Variants in SCAI observed in about 807,000 individuals in gnomAD.
The protein encoded by SCAI is protein SCAI.
In SCAI, 24 loss-of-function variants were observed where a neutral mutation model predicts 92.2. That is an observed-to-expected ratio of 0.26 (90% CI 0.19 to 0.37). The LOEUF is 0.37. SCAI is among the 10% of genes least tolerant of loss of function. The pLI is 1.00. For synonymous variants in SCAI, 261 were observed against 258.6 expected, an observed-to-expected ratio of 1.01 and a Z score of -0.09; for missense variants, 450 against 736.2, an observed-to-expected ratio of 0.61 and a Z score of 4.50.
intron 2 of SCAI, among the ~76,000 whole-genome samples, chr9:125,121,725 C>G (rs1377766912): frequency 6.6e-6 from 1 of 151,926 alleles, no homozygotes; most frequent in Non-Finnish European, 1.5e-5. Flanking sequence ...TGGTGGCACA[C>G]CCCTGTAGTC....
chr9:125,058,439 C>T (rs752951402), intron 2 of SCAI, among the ~76,000 whole-genome samples: 2 of 152,052 alleles, frequency 1.3e-5, no homozygotes, highest in South Asian at 2.1e-4. Flanking sequence ...CACGTGAACC[C>T]GGGAGGCGGA....
Position 125,001,995 on chromosome 9 carries a change from C to T in SCAI, c.1114G>A (p.Val372Ile). The T allele has an allele frequency of 6.2e-7, 1 of 1,613,678 alleles. No homozygotes were observed. The highest frequency in any genetic ancestry group is 8.5e-7 in the Non-Finnish European group (1 of 1,179,630). Residue 372 changes from valine (V) to isoleucine (I), a missense_variant, in exon 12 of 18, where the codon GTT (valine) becomes ATT (isoleucine). By Grantham distance (29) the Val-to-Ile change is conservative (BLOSUM62 3). Around this residue, in one of 3 missense-constraint regions of SCAI, gnomAD observed 360 missense variants for 601.8 expected, o/e 0.60. Transcript: ENST00000336505. ...CTATCAGAACGACCTGTGGGGAAAA[C>T]GCCAGTGGCCGACAGGTAAATCAGA... The part of the protein sequence containing the change: ...VLLIYLSATG[V>I]FPTGRSDSEG...
rs189016670 is a variant in SCAI, at chr9:125,092,002, C to T, written c.99-35995G>A. On this transcript the variant is annotated intron_variant, in intron 2 of 17. Transcript: ENST00000336505. ...AAAATTAGCCAGGCGTGGTGGTGGG[C>T]GCCTGTAGTCCCAGCTACTTGGGAG... is the stretch of plus-strand genomic sequence containing the variant. 3.4e-3 allele frequency among the ~76,000 whole-genome samples: 508 copies of T among 151,624 alleles called. 2 individuals are homozygous for T. Among genetic ancestry groups the T allele is most frequent in the Non-Finnish European group, 5.7e-3 (388 of 67,862 alleles).
In SCAI at chr9:124,949,768, GA is replaced by G. The variant is rs1831204112; in HGVS notation, c.*3038del. On this transcript the variant is annotated 3_prime_UTR_variant, in exon 18 of 18. Transcript: ENST00000336505. This position sits in a 1 kb window ranked among gnomAD's most constrained non-coding sequence, Gnocchi z 4.0. ...GTTTATTGCCTTACTCCTTCTACTA[GA>G]ATGTAAGCTTCATGAACATGAGGAT... 1 of 152,092 alleles carries G rather than the reference GA, an allele frequency of 6.6e-6. No individual in the cohort carries two copies. Among genetic ancestry groups the G allele is most frequent in the Admixed American group, 6.5e-5 (1 of 15,278 alleles). 9.4% of individuals were successfully genotyped at this position (152,092 alleles called of 1,614,324 possible).
At chr9:125,094,242 A>G (rs1834500642) in intron 2 of SCAI, among the ~76,000 whole-genome samples, 1 of 152,086 alleles carries the variant, frequency 6.6e-6, no homozygotes. Flanking sequence ...CACCACTATT[A>G]TATCCAAGAC....
chr9:125,010,582 T>G (rs149000171), intron 9 of SCAI, among the ~76,000 whole-genome samples: 1 of 152,212 alleles, frequency 6.6e-6, no homozygotes, highest in Non-Finnish European at 1.5e-5. Flanking sequence ...CCTGCCTCTG[T>G]AGGCTCCACC....
Position 125,026,646 on chromosome 9 carries a change from AC to A in SCAI, c.512+165del, listed in dbSNP as rs1163835162. Among the ~76,000 whole-genome samples the A allele has an allele frequency of 2.6e-5, 4 of 152,334 alleles. No individual in the cohort carries two copies. In the East Asian group the frequency reaches 7.7e-4, roughly 29 times the overall value. On this transcript the variant is annotated intron_variant, in intron 6 of 17. Coordinates refer to ENST00000336505, the MANE Select transcript of SCAI (RefSeq NM_001144877.3). Reference sequence around the variant, plus strand: ...ATCTTTGATATTTATTGCTTAGGTAACATAAACTTCTCTATGCTTTCGAAGG... The same window carrying A: ...ATCTTTGATATTTATTGCTTAGGTAAATAAACTTCTCTATGCTTTCGAAGG...
intron 14 of SCAI, among the ~76,000 whole-genome samples, chr9:124,993,423 T>C (rs552403260): frequency 2.3e-4 from 35 of 152,308 alleles, no homozygotes; most frequent in African/African-American, 8.2e-4. Flanking sequence ...ACCCCATCTC[T>C]GCTAAAAATA....
intron 8 of SCAI, 66 bp from the exon 9 acceptor site, chr9:125,019,017 CCTT>C (rs1397681420): frequency 1.8e-5 from 28 of 1,547,666 alleles, no homozygotes; most frequent in Middle Eastern, 3.4e-4. Flanking sequence ...GTAAGCTATT[CCTT>C]CTTCTTGACA....
intron 6 of SCAI, among the ~76,000 whole-genome samples, chr9:125,026,234 G>A (rs1267732032): frequency 6.6e-6 from 1 of 151,972 alleles, no homozygotes; most frequent in African/African-American, 2.4e-5. Flanking sequence ...ATTAGCCGGG[G>A]GTGGTGACAC....
At chr9:125,026,334 C>T (rs1050310469) in intron 6 of SCAI, among the ~76,000 whole-genome samples, 13 of 149,612 alleles carry the variant, frequency 8.7e-5, no homozygotes, top group East Asian at 2.0e-4. Flanking sequence ...GAGTTGAGAT[C>T]GCACCACTGC....
chr9:124,965,109 C>A (rs1266456461), intron 17 of SCAI, among the ~76,000 whole-genome samples: 2 of 151,924 alleles, frequency 1.3e-5, no homozygotes, highest in Non-Finnish European at 2.9e-5. Context: ...AGCCAAAGCT[C>A]TTTCGAAAAT....
intron 17 of SCAI, among the ~76,000 whole-genome samples, chr9:124,957,608 G>A (rs1831346049): frequency 6.7e-6 from 1 of 148,516 alleles, no homozygotes; most frequent in South Asian, 2.1e-4. Flanking sequence ...CTGACCTTGT[G>A]ATCCGCCCGC....
At chr9:125,119,684 T>G (rs74769118) in intron 2 of SCAI, among the ~76,000 whole-genome samples, 1,917 of 152,334 alleles carry the variant, frequency 0.013, 40 homozygotes, top group African/African-American at 0.044. Context: ...AATCTTTTAT[T>G]GTGCTCATGA....
chr9:125,016,932 C>T (rs908711014), intron 9 of SCAI, among the ~76,000 whole-genome samples: 1 of 151,846 alleles, frequency 6.6e-6, no homozygotes, highest in African/African-American at 2.4e-5. Flanking sequence ...TCTGGCATAG[C>T]GTAGATACTA....
chr9:124,956,989 A>ATTTTTTTT (rs35575491), intron 17 of SCAI, among the ~76,000 whole-genome samples: 2 of 141,192 alleles, frequency 1.4e-5, no homozygotes, highest in Non-Finnish European at 3.1e-5. Flanking sequence ...GGTCAACTGT[A>ATTTTTTTT]TTTTTTTTTT....
At chr9:125,004,090 C>T (rs1224923867) in intron 9 of SCAI, among the ~76,000 whole-genome samples, 1 of 152,038 alleles carries the variant, frequency 6.6e-6, no homozygotes, top group Non-Finnish European at 1.5e-5. Flanking sequence ...GCAGAAGAAT[C>T]GCTTGAACCC....
At chr9:125,071,855 A>G (rs1354936406) in intron 2 of SCAI, among the ~76,000 whole-genome samples, 6 of 152,204 alleles carry the variant, frequency 3.9e-5, no homozygotes, top group Non-Finnish European at 8.8e-5. Flanking sequence ...GCACACTGGT[A>G]TAATTAGTCC....
intron 3 of SCAI, among the ~76,000 whole-genome samples, chr9:125,046,326 C>CAA (rs1833440425): frequency 2.4e-5 from 1 of 41,798 alleles, no homozygotes; most frequent in African/African-American, 9.0e-5. Flanking sequence ...TACACACACA[C>CAA]ACACACATAT....
Sources: gnomAD v4.1 joint callset for allele counts (sites outside exome capture counted in the v4.1 genomes callset) on GRCh38, gnomAD v4.1.1 for gene constraint, gnomAD v4.1.1 regional missense constraint, Gnocchi (gnomAD v3.1) non-coding constraint, MANE v1.5 for transcripts, NCBI Gene and HGNC (gene_info 2026-07-23, HGNC 2026-07-21) for gene names.